The following TARBP1 variants were observed in gnomAD, a reference collection of about 807,000 sequenced individuals.
TARBP1 encodes the protein tRNA (guanosine(18)-2'-O)-methyltransferase TARBP1.
A neutral mutation model predicts 178.6 loss-of-function variants in TARBP1; 144 were observed. The observed-to-expected ratio is 0.81, with a 90% CI of 0.70 to 0.93. The LOEUF is 0.93. TARBP1 is among the 40% of genes least tolerant of loss of function. TARBP1 has a pLI of 0.00. For synonymous variants in TARBP1, 787 were observed against 781.0 expected (o/e 1.01, Z -0.13); for missense variants, 2,067 against 2,011.7 (o/e 1.03, Z -0.53).
At chr1:234,400,942 A>G in intron 25 of TARBP1, 1 of 347,282 alleles carries the variant, frequency 2.9e-6, no homozygotes, top group Non-Finnish European at 5.3e-6. Context: ...TACAAGCCAG[A>G]CACTGCCTGA....
At chr1:234,477,598 T>TA (rs1251922610) in intron 1 of TARBP1, among the ~76,000 whole-genome samples, 2 of 152,302 alleles carry the variant, frequency 1.3e-5, no homozygotes, top group East Asian at 3.9e-4. Context: ...CTCAAACAGT[T>TA]AAAAAATAAA....
At chr1:234,405,835 C>A in intron 24 of TARBP1, 68 bp downstream of exon 24, 1 of 1,445,588 alleles carries the variant, frequency 6.9e-7, no homozygotes, top group South Asian at 1.3e-5. Flanking sequence ...ACAGTATGGG[C>A]ACTGCCCCCT....
intron 13 of TARBP1, among the ~76,000 whole-genome samples, chr1:234,435,079 T>C (rs1664862003): frequency 6.6e-6 from 1 of 152,178 alleles, no homozygotes; most frequent in African/African-American, 2.4e-5. Flanking sequence ...CAAATTAGAA[T>C]TAAATTGAGT....
In TARBP1 at chr1:234,398,403, C is replaced by T; in HGVS notation, c.4222G>A (p.Asp1408Asn). The change falls in exon 26 of 30, where the codon GAC becomes AAC. Residue 1408 changes from aspartate (D) to asparagine (N), a missense_variant. Coordinates refer to ENST00000040877, the MANE Select transcript of TARBP1 (RefSeq NM_005646.4). ...TTACCTATGTCTTGCTGAGACCAGT[C>T]ACCTGGTTTTAGTTTACTAAGTTGA... ...QTQLSKLKPG[D>N]WSQQDIGTNL... 6.2e-7 allele frequency: 1 copy of T among 1,607,606 alleles called. No individual in the cohort carries two copies. The highest frequency in any genetic ancestry group is 1.1e-5 in the South Asian group (1 of 89,834).
At chr1:234,448,652 C>G in intron 10 of TARBP1, 73 bp from the exon 11 acceptor site, 1 of 1,154,218 alleles carries the variant, frequency 8.7e-7, no homozygotes, top group Non-Finnish European at 1.3e-6. Context: ...AAAAAACCCA[C>G]TAAATGATTA....
intron 28 of TARBP1, 93 bp from the exon 29 acceptor site, chr1:234,392,645 A>G: frequency 1.8e-6 from 2 of 1,127,420 alleles, no homozygotes; most frequent in Non-Finnish European, 2.5e-6. Flanking sequence ...CCTAAACTTA[A>G]CTCTTTAAAA....
intron 9 of TARBP1, among the ~76,000 whole-genome samples, chr1:234,454,222 T>G (rs1397206363): frequency 6.6e-6 from 1 of 152,318 alleles, no homozygotes; most frequent in East Asian, 1.9e-4. Context: ...GAGTCCACAA[T>G]TTTAAAGCTA....
intron 22 of TARBP1, among the ~76,000 whole-genome samples, chr1:234,410,781 C>G (rs2103065990): frequency 6.6e-6 from 1 of 152,334 alleles, no homozygotes; most frequent in South Asian, 2.1e-4. Context: ...AATAACTCAA[C>G]TCTAAGTACA....
chr1:234,428,492 CA>C (rs1352339192), intron 17 of TARBP1, among the ~76,000 whole-genome samples: 12 of 152,090 alleles, frequency 7.9e-5, no homozygotes. Flanking sequence ...GAAGAATGAC[CA>C]GTGTTGCTAG....
At chr1:234,392,714 T>A in intron 28 of TARBP1, 162 bp from the exon 29 acceptor site, 6 of 169,354 alleles carry the variant, frequency 3.5e-5, no homozygotes, top group Non-Finnish European at 7.0e-5. Flanking sequence ...CATCAATTTC[T>A]TTTTTTTTTT....
At chr1:234,439,914 A>C (rs1485151959) in intron 12 of TARBP1, among the ~76,000 whole-genome samples, 2 of 152,208 alleles carry the variant, frequency 1.3e-5, no homozygotes, top group East Asian at 3.8e-4. Flanking sequence ...TATAACTGAC[A>C]TTTATTGAAC....
At chr1:234,429,041 C>T in intron 17 of TARBP1, 95 bp downstream of exon 17, 1 of 1,159,524 alleles carries the variant, frequency 8.6e-7, no homozygotes, top group Non-Finnish European at 1.2e-6. Context: ...GAATAAAGAG[C>T]CAAAAATCTA....
Position 234,478,725 on chromosome 1 carries a change from C to G in TARBP1, c.379G>C (p.Asp127His), listed in dbSNP as rs1051802462. 5.0e-6 allele frequency: 6 copies of G among 1,192,732 alleles called. No homozygotes were observed. Among genetic ancestry groups the G allele is most frequent in the African/African-American group, 1.6e-5 (1 of 61,808 alleles). The allele number at this position is 1,192,732 out of a possible 1,614,324, so 73.9% of individuals were successfully genotyped here. A position where few individuals can be genotyped will look rare whatever the true frequency, so the allele number is the denominator to read the frequency against. The change falls in exon 1 of 30, where the codon GAT becomes CAT. Residue 127 changes from aspartate to histidine, a missense_variant. By Grantham distance (81) the Asp-to-His change is moderately conservative. Coordinates refer to ENST00000040877, the MANE Select transcript of TARBP1 (RefSeq NM_005646.4). Reference sequence around the variant, plus strand: ...GGCGCGCGCCACCCGGCGAGCAGATCGCGCAGCGCCTCCTCAGCCAGCGCG... The same window carrying G: ...GGCGCGCGCCACCCGGCGAGCAGATGGCGCAGCGCCTCCTCAGCCAGCGCG... ...AAALAEEALR[D>H]LLAGWRAPGA...
intron 6 of TARBP1, among the ~76,000 whole-genome samples, chr1:234,462,705 AAG>A (rs1667999672): frequency 6.6e-6 from 1 of 150,890 alleles, no homozygotes; most frequent in Non-Finnish European, 1.5e-5. Flanking sequence ...AAAAAAAAAA[AAG>A]AATGACTCTA....
intron 4 of TARBP1, among the ~76,000 whole-genome samples, chr1:234,466,111 C>G (rs979691842): frequency 6.6e-6 from 1 of 152,126 alleles, no homozygotes; most frequent in African/African-American, 2.4e-5. Context: ...TCAAAAATTA[C>G]TATTAGATAC....
intron 1 of TARBP1, among the ~76,000 whole-genome samples, chr1:234,475,528 C>T (rs1302247413): frequency 6.6e-6 from 1 of 152,220 alleles, no homozygotes; most frequent in Non-Finnish European, 1.5e-5. Context: ...CCAAGACCTA[C>T]CACAGACACT....
intron 11 of TARBP1, 28 bp downstream of exon 11, chr1:234,448,452 C>CAAAAA: frequency 6.3e-7 from 1 of 1,587,312 alleles, no homozygotes; most frequent in Non-Finnish European, 8.6e-7. Context: ...TTCAAATAGG[C>CAAAAA]TTTCTTTTCA....
chr1:234,474,642 A>C (rs1669415182), intron 1 of TARBP1, among the ~76,000 whole-genome samples: 1 of 152,236 alleles, frequency 6.6e-6, no homozygotes, highest in Admixed American at 6.5e-5. Context: ...CAACAGCAAT[A>C]CTGGAAGCTC....
intron 23 of TARBP1, chr1:234,407,739 T>G (rs1193396063): frequency 1.3e-5 from 2 of 152,220 alleles, no homozygotes; most frequent in East Asian, 3.8e-4. Context: ...TTGCTCACAC[T>G]GTTTCAGCTT....
Sources: gnomAD v4.1 joint callset for allele counts (sites outside exome capture counted in the v4.1 genomes callset) on GRCh38, gnomAD v4.1.1 for gene constraint, MANE v1.5 for transcripts, NCBI Gene and HGNC (gene_info 2026-07-23, HGNC 2026-07-21) for gene names.